Variants in SLC45A4 observed in about 807,000 individuals in gnomAD.
SLC45A4 encodes polyamine-transporter SLC45A4.
Under a neutral mutation model 63.7 loss-of-function variants are expected in SLC45A4, and 32 were observed. The observed-to-expected ratio is 0.50, with a 90% CI of 0.38 to 0.67. The LOEUF (loss-of-function observed/expected upper bound fraction) is 0.67, where lower values mean the gene tolerates loss of function less well. SLC45A4 is among the 30% of genes least tolerant of loss of function. SLC45A4 has a pLI of 0.00. For missense variants in SLC45A4, 1,027 were observed against 1,157.7 expected (o/e 0.89, Z 1.64); for synonymous variants, 535 against 510.0 (o/e 1.05, Z -0.66).
At position 141,207,536 on chromosome 8, in the gene SLC45A4, G is replaced by A. The variant is rs1203916409; in HGVS notation, c.*4036C>T. On this transcript the variant is annotated 3_prime_UTR_variant, in exon 9 of 9. Coordinates refer to ENST00000517878, the MANE Select transcript of SLC45A4 (RefSeq NM_001286646.2). ...CGATTACAGTGCTCCAACTTAATAA[G>A]TTGATAAAAAGCTGTCCCGTGGCCA... is the stretch of plus-strand genomic sequence containing the variant. The A allele has an allele frequency of 6.6e-6, 1 of 152,254 alleles. No individual in the cohort carries two copies. Among genetic ancestry groups the A allele is most frequent in the African/African-American group, 2.4e-5 (1 of 41,458 alleles). The allele number at this position is 152,254 out of a possible 1,614,324, so 9.4% of individuals were successfully genotyped here.
chr8:141,215,954 G>A lies in SLC45A4; in HGVS notation c.1746C>T (p.Tyr582=), dbSNP rs1300401157. The change falls in exon 7 of 9, where the codon TAC becomes TAT. Residue 582 remains tyrosine (Y), a synonymous_variant. Coordinates refer to ENST00000517878, the MANE Select transcript of SLC45A4 (RefSeq NM_001286646.2). The surrounding 1 kb of genome is among the most constrained non-coding windows in gnomAD (Gnocchi z 4.3). Reference sequence around the variant, plus strand: ...TGACGCTCAGGTCGTAGTTGTCCAAGTACTTCTGTAACAGGGCTGCAGAGA... The same window carrying A: ...TGACGCTCAGGTCGTAGTTGTCCAAATACTTCTGTAACAGGGCTGCAGAGA... ...GAICSALLQK[Y]LDNYDLSVRV... is the part of the protein sequence containing the mutation. 2 of 1,613,676 alleles carry A rather than the reference G, an allele frequency of 1.2e-6. No homozygotes were observed. The highest frequency in any genetic ancestry group is 2.7e-5 in the African/African-American group (2 of 74,920).
At chr8:141,303,303 TG>T (rs1467538585) in intron 1 of SLC45A4, among the ~76,000 whole-genome samples, 3 of 131,254 alleles carry the variant, frequency 2.3e-5, no homozygotes, top group African/African-American at 8.6e-5. Context: ...GGCTAATTTT[TG>T]TTTTTTTTTT....
At chr8:141,234,448 T>C (rs557924604) in intron 2 of SLC45A4, among the ~76,000 whole-genome samples, 44 of 152,318 alleles carry the variant, frequency 2.9e-4, no homozygotes, top group African/African-American at 1.1e-3. Context: ...GGCTGGCAAT[T>C]TGAACCCTAT....
intron 2 of SLC45A4, chr8:141,228,228 T>G (rs148922974): frequency 6.2e-7 from 1 of 1,613,992 alleles, no homozygotes; most frequent in Non-Finnish European, 8.5e-7. Context: ...CAAGGGTCTT[T>G]GGACGGGACA....
At chr8:141,224,528 C>A (rs1326332792) in intron 2 of SLC45A4, 1 of 152,302 alleles carries the variant, frequency 6.6e-6, no homozygotes, top group African/African-American at 2.4e-5. Context: ...CAGCTCACTG[C>A]AACCTCCGGC....
chr8:141,234,832 A>G (rs755264739), intron 2 of SLC45A4, among the ~76,000 whole-genome samples: 21 of 152,178 alleles, frequency 1.4e-4, no homozygotes, highest in Non-Finnish European at 2.8e-4. Flanking sequence ...CCCCCAGCAC[A>G]GCCAGGCTCC....
Position 141,256,611 on chromosome 8 carries a change from C to T in SLC45A4, c.-400-1982G>A, listed in dbSNP as rs1042844764. 39 of 456,190 alleles carry T rather than the reference C, an allele frequency of 8.5e-5. No individual in the cohort carries two copies. The highest frequency in any genetic ancestry group is 6.8e-4 in the African/African-American group (34 of 50,088). The allele number at this position is 456,190 out of a possible 1,614,324, so 28.3% of individuals were successfully genotyped here. The stretch of plus-strand genomic sequence containing the variant: ...GCTCTTACGTCCCAGCTCTTCCCTA[C>T]ATCTTCTTTCACGCTGCAGCGGAAA... On this transcript the variant is annotated intron_variant, in intron 1 of 8. Transcript: ENST00000517878. This position sits in a 1 kb window ranked among gnomAD's most constrained non-coding sequence, Gnocchi z 4.3.
At chr8:141,297,659 C>G (rs1481087915) in intron 1 of SLC45A4, among the ~76,000 whole-genome samples, 1 of 152,254 alleles carries the variant, frequency 6.6e-6, no homozygotes. Context: ...CCGGGACTGA[C>G]AGCCCGGCCA....
intron 1 of SLC45A4, among the ~76,000 whole-genome samples, chr8:141,298,379 G>T (rs1388651768): frequency 6.6e-6 from 1 of 152,210 alleles, no homozygotes; most frequent in Non-Finnish European, 1.5e-5. Flanking sequence ...CCATCACCCT[G>T]GCCAGATGGC....
intron 2 of SLC45A4, among the ~76,000 whole-genome samples, chr8:141,228,800 T>C (rs1827183789): frequency 6.6e-6 from 1 of 152,140 alleles, no homozygotes; most frequent in African/African-American, 2.4e-5. Context: ...CCCCAGGCCT[T>C]GGAAGAGAGA....
chr8:141,255,110 A>C (rs1347128168), intron 1 of SLC45A4, among the ~76,000 whole-genome samples: 3 of 152,194 alleles, frequency 2.0e-5, no homozygotes, highest in African/African-American at 7.2e-5. Flanking sequence ...TTAATTTGTT[A>C]GTGACAAGGT....
chr8:141,283,332 G>A (rs1830025650), intron 1 of SLC45A4, among the ~76,000 whole-genome samples: 1 of 152,236 alleles, frequency 6.6e-6, no homozygotes, highest in African/African-American at 2.4e-5. Flanking sequence ...ACCAGTGGCA[G>A]TGCCTGGCCT....
chr8:141,247,109 C>CAA (rs1343590612), intron 2 of SLC45A4, among the ~76,000 whole-genome samples: 1 of 152,106 alleles, frequency 6.6e-6, no homozygotes, highest in Non-Finnish European at 1.5e-5. Context: ...AAAAGACCAA[C>CAA]AAAATTGATA....
chr8:141,259,839 C>G (rs186003995), intron 1 of SLC45A4, among the ~76,000 whole-genome samples: 86 of 152,330 alleles, frequency 5.6e-4, no homozygotes, highest in African/African-American at 2.0e-3. Context: ...TCCAGCCACA[C>G]AGCAAGAGCT....
At chr8:141,217,840 G>A (rs1826260735) in intron 5 of SLC45A4, among the ~76,000 whole-genome samples, 171 bp downstream of exon 5, 1 of 152,168 alleles carries the variant, frequency 6.6e-6, no homozygotes, top group Non-Finnish European at 1.5e-5. Flanking sequence ...TCCCAGAGGC[G>A]CGCGCGGGCC....
At position 141,215,770 on chromosome 8, in the gene SLC45A4, C is replaced by T. The variant is rs1316497981; in HGVS notation, c.1930G>A (p.Asp644Asn). The change falls in exon 7 of 9, where the codon GAC (aspartate) becomes AAC (asparagine). Residue 644 changes from aspartate (D) to asparagine (N), a missense_variant. By Grantham distance (23) the Asp-to-Asn change is conservative (BLOSUM62 1). Transcript: ENST00000517878. This position sits in a 1 kb window ranked among gnomAD's most constrained non-coding sequence, Gnocchi z 4.3. Reference protein sequence around the residue: ...CPYALLGQYHDIKQYIHHSPG... With the variant: ...CPYALLGQYHNIKQYIHHSPG... Reference sequence around the variant, plus strand: ...TACGGTGGACGCACCTGCTTGATGTCATGGTACTGGCCCAGCAGGGCGTAC... The same window carrying T: ...TACGGTGGACGCACCTGCTTGATGTTATGGTACTGGCCCAGCAGGGCGTAC... 1 of 1,613,446 alleles carries T rather than the reference C, an allele frequency of 6.2e-7. No homozygotes were observed. Among genetic ancestry groups the T allele is most frequent in the African/African-American group, 1.3e-5 (1 of 75,032 alleles).
chr8:141,244,081 G>T (rs1210284534), intron 2 of SLC45A4, among the ~76,000 whole-genome samples: 1 of 152,098 alleles, frequency 6.6e-6, no homozygotes, highest in Non-Finnish European at 1.5e-5. Flanking sequence ...ATACCCAACT[G>T]CCCTCCCAAT....
At chr8:141,243,952 G>C (rs1293824183) in intron 2 of SLC45A4, among the ~76,000 whole-genome samples, 1 of 152,110 alleles carries the variant, frequency 6.6e-6, no homozygotes, top group African/African-American at 2.4e-5. Flanking sequence ...TTATTGGTAA[G>C]GCTTCCAGTC....
intron 1 of SLC45A4, among the ~76,000 whole-genome samples, chr8:141,301,900 T>C (rs1196335714): frequency 6.6e-6 from 1 of 151,966 alleles, no homozygotes; most frequent in Non-Finnish European, 1.5e-5. Flanking sequence ...TGGTCAAGGC[T>C]GTAGCGAGCC....
Sources: allele counts gnomAD v4.1 joint callset (sites outside exome capture counted in the v4.1 genomes callset), GRCh38; gene constraint gnomAD v4.1.1; non-coding constraint Gnocchi (gnomAD v3.1); transcripts MANE v1.5; gene names NCBI Gene and HGNC (gene_info 2026-07-23, HGNC 2026-07-21).